RNF144B: variants seen among roughly 807,000 people sequenced by gnomAD.
RNF144B encodes the protein E3 ubiquitin-protein ligase RNF144B.
A neutral mutation model predicts 40.2 loss-of-function variants in RNF144B; 25 were observed. The ratio of observed to expected loss-of-function variants is 0.62; its 90% CI spans 0.45 to 0.87. The LOEUF (loss-of-function observed/expected upper bound fraction) is 0.87. RNF144B is among the 40% of genes least tolerant of loss of function. RNF144B has a pLI of 0.00. For synonymous variants in RNF144B, 145 were observed against 136.3 expected (o/e 1.06, Z -0.44); for missense variants, 365 against 373.7 (o/e 0.98, Z 0.19).
In RNF144B at chr6:18,447,863, A is replaced by G. The variant is rs961999700; in HGVS notation, c.331+8119A>G. On this transcript the variant is annotated intron_variant, in intron 4 of 7. Transcript: ENST00000259939. This position sits in a 1 kb window ranked among gnomAD's most constrained non-coding sequence, Gnocchi z 5.6. The stretch of plus-strand genomic sequence containing the variant: ...AGCCCTGGGACACTATAGGTTTTAG[A>G]AGAGGTGGATCTGGCAAAGGAGATT... Among the ~76,000 whole-genome samples, 15 of 152,180 alleles carry G rather than the reference A, an allele frequency of 9.9e-5. No individual in the cohort carries two copies. Among genetic ancestry groups the G allele is most frequent in the African/African-American group, 3.6e-4 (15 of 41,446 alleles).
At chr6:18,424,526 A>T in intron 2 of RNF144B, among the ~76,000 whole-genome samples, 1 of 152,178 alleles carries the variant, frequency 6.6e-6, no homozygotes, top group East Asian at 1.9e-4. Context: ...ATCGTGGGTC[A>T]TATAATATTG....
chr6:18,397,575 G>C (rs868848498), intron 1 of RNF144B, among the ~76,000 whole-genome samples: 4 of 152,260 alleles, frequency 2.6e-5, no homozygotes, highest in African/African-American at 9.6e-5. Flanking sequence ...CAATCTAGTA[G>C]AAGAACTTTG....
chr6:18,438,138 G>A (rs769847408), intron 3 of RNF144B, among the ~76,000 whole-genome samples: 2 of 152,164 alleles, frequency 1.3e-5, no homozygotes, highest in Non-Finnish European at 1.5e-5. Context: ...TGATGAATTA[G>A]CGACAAAGTC....
rs2113534595 is a variant in RNF144B at position 18,457,037 on chromosome 6, GGCGACAGAGTGAGA to G, written c.332-117_332-104del. 1 of 863,086 alleles carries G rather than the reference GGCGACAGAGTGAGA, an allele frequency of 1.2e-6. No individual in the cohort carries two copies. The highest frequency in any genetic ancestry group is 1.5e-5 in the South Asian group (1 of 68,600). 53.5% of individuals were successfully genotyped at this position (863,086 alleles called of 1,614,324 possible). Reference sequence around the variant, plus strand: ...AATCATGCCACTGTACTCCAGCCTGGGCGACAGAGTGAGACTCTGGTTCCAAATAAATTAAATAA... The same window carrying G: ...AATCATGCCACTGTACTCCAGCCTGGCTCTGGTTCCAAATAAATTAAATAA... On this transcript the variant is annotated intron_variant, in intron 4 of 7. Coordinates refer to ENST00000259939, the MANE Select transcript of RNF144B (RefSeq NM_182757.4). The surrounding 1 kb of genome is among the most constrained non-coding windows in gnomAD (Gnocchi z 5.1).
Position 18,444,326 on chromosome 6 carries a change from C to T in RNF144B, c.331+4582C>T, listed in dbSNP as rs1759031687. Reference sequence around the variant, plus strand: ...TTCTGCATCAGCTTTCCAATATTAACAAGGAAAAGGGAATGCTAAGTTTGG... The same window carrying T: ...TTCTGCATCAGCTTTCCAATATTAATAAGGAAAAGGGAATGCTAAGTTTGG... On this transcript the variant is annotated intron_variant, in intron 4 of 7. Coordinates refer to ENST00000259939, the MANE Select transcript of RNF144B (RefSeq NM_182757.4). This position sits in a 1 kb window ranked among gnomAD's most constrained non-coding sequence, Gnocchi z 4.3. Among the ~76,000 whole-genome samples, 1 of 152,152 alleles carries T rather than the reference C, an allele frequency of 6.6e-6. No individual in the cohort carries two copies. Among genetic ancestry groups the T allele is most frequent in the African/African-American group, 2.4e-5 (1 of 41,436 alleles).
At position 18,443,219 on chromosome 6, in the gene RNF144B, G is replaced by A. The variant is rs947829611; in HGVS notation, c.331+3475G>A. Among the ~76,000 whole-genome samples, 9 of 152,036 alleles carry A rather than the reference G, an allele frequency of 5.9e-5. No homozygotes were observed. The highest frequency in any genetic ancestry group is 2.2e-4 in the African/African-American group (9 of 41,386). ...TTAACCTCCTCATTTTATGAAAAAC[G>A]TAACAGGCCCAGAGGCAATTTCCTC... On this transcript the variant is annotated intron_variant, in intron 4 of 7. Transcript: ENST00000259939. The surrounding 1 kb of genome is among the most constrained non-coding windows in gnomAD (Gnocchi z 4.7).
rs543692163 is a variant in RNF144B, at chr6:18,425,921, T to A, written c.166-1660T>A. ...CCTTGGAGAAAAAAACTGTTAACTA[T>A]TTGAAGAGATACAAGTCTGGTTTAA... On this transcript the variant is annotated intron_variant, in intron 2 of 7. Coordinates refer to ENST00000259939, the MANE Select transcript of RNF144B (RefSeq NM_182757.4). The surrounding 1 kb of genome is among the most constrained non-coding windows in gnomAD (Gnocchi z 4.2). 1.3e-5 allele frequency among the ~76,000 whole-genome samples: 2 copies of A among 152,318 alleles called. No individual in the cohort carries two copies. Among genetic ancestry groups the A allele is most frequent in the South Asian group, 4.1e-4 (2 of 4,824 alleles).
Position 18,387,365 on chromosome 6 carries a change from C to T in RNF144B, c.-302C>T. The T allele has an allele frequency of 2.6e-6, 3 of 1,151,392 alleles. No homozygotes were observed. Among genetic ancestry groups the T allele is most frequent in the Non-Finnish European group, 3.3e-6 (3 of 920,550 alleles). 71.3% of individuals were successfully genotyped at this position (1,151,392 alleles called of 1,614,324 possible). On this transcript the variant is annotated 5_prime_UTR_variant, in exon 1 of 8. Transcript: ENST00000259939. ...CGCTGCTGGCGAGCTGTGCCCCACGCTCCCGCTGCAACAGTCCCGGGCATC... is the reference window on the plus strand; with the variant it reads ...CGCTGCTGGCGAGCTGTGCCCCACGTTCCCGCTGCAACAGTCCCGGGCATC...
chr6:18,443,705 A>G lies in RNF144B; in HGVS notation c.331+3961A>G, dbSNP rs550652595. On this transcript the variant is annotated intron_variant, in intron 4 of 7. Transcript: ENST00000259939. This position sits in a 1 kb window ranked among gnomAD's most constrained non-coding sequence, Gnocchi z 4.7. ...ATAATGGAATTTACATGATTGGGAT[A>G]CACTTTATCTAATTCTGTCTAAACT... Among the ~76,000 whole-genome samples the G allele has an allele frequency of 3.8e-4, 58 of 152,354 alleles. No individual in the cohort carries two copies. Among genetic ancestry groups the G allele is most frequent in the African/African-American group, 1.3e-3 (53 of 41,588 alleles).
chr6:18,401,283 A>C (rs1432125412), intron 2 of RNF144B, among the ~76,000 whole-genome samples: 1 of 152,190 alleles, frequency 6.6e-6, no homozygotes, highest in Non-Finnish European at 1.5e-5. Context: ...AGTAGATTTT[A>C]GTTCCTGATT....
Position 18,416,090 on chromosome 6 carries a change from G to A in RNF144B, c.166-11491G>A, listed in dbSNP as rs1475354244. On this transcript the variant is annotated intron_variant, in intron 2 of 7. Transcript: ENST00000259939. This position sits in a 1 kb window ranked among gnomAD's most constrained non-coding sequence, Gnocchi z 5.5. ...TAATGTTTCTTTGGAGAAAGTAGAA[G>A]GATGTAAACTTGGCAAGCCTTCTTG... Among the ~76,000 whole-genome samples the A allele has an allele frequency of 6.6e-6, 1 of 152,128 alleles. No individual in the cohort carries two copies. The highest frequency in any genetic ancestry group is 2.4e-5 in the African/African-American group (1 of 41,432).
rs1259511876 is a variant in RNF144B, at chr6:18,405,962, C to T, written c.165+6263C>T. ...AGTGACCTTAGATCTTCTAGTTCCC[C>T]CACCCTCCTAATGAAAGAAGTCATT... On this transcript the variant is annotated intron_variant, in intron 2 of 7. Coordinates refer to ENST00000259939, the MANE Select transcript of RNF144B (RefSeq NM_182757.4). This position sits in a 1 kb window ranked among gnomAD's most constrained non-coding sequence, Gnocchi z 4.5. 9 of 495,864 alleles carry T rather than the reference C, an allele frequency of 1.8e-5. No homozygotes were observed. Among genetic ancestry groups the T allele is most frequent in the Non-Finnish European group, 3.6e-5 (9 of 247,980 alleles). 30.7% of individuals were successfully genotyped at this position (495,864 alleles called of 1,614,324 possible).
At chr6:18,431,670 G>T (rs932914075) in intron 3 of RNF144B, among the ~76,000 whole-genome samples, 1 of 152,128 alleles carries the variant, frequency 6.6e-6, no homozygotes, top group South Asian at 2.1e-4. Context: ...ATTAAGCCTG[G>T]TTCTCTTTGT....
chr6:18,421,865 A>G (rs1408877979), intron 2 of RNF144B, among the ~76,000 whole-genome samples: 4 of 152,006 alleles, frequency 2.6e-5, no homozygotes, highest in Non-Finnish European at 5.9e-5. Flanking sequence ...GGGATGAGGG[A>G]CGAGAACTGT....
chr6:18,427,240 G>A (rs1320440824), intron 2 of RNF144B, among the ~76,000 whole-genome samples: 1 of 147,018 alleles, frequency 6.8e-6, no homozygotes, highest in Non-Finnish European at 1.5e-5. Context: ...AGGTAAAAAT[G>A]GAATTAGGAA....
chr6:18,440,811 A>C (rs7770457), intron 4 of RNF144B, among the ~76,000 whole-genome samples: 1 of 140,244 alleles, frequency 7.1e-6, no homozygotes, highest in Non-Finnish European at 1.6e-5. Flanking sequence ...TTTTTTTTTA[A>C]AAATCCAGCA....
In RNF144B at chr6:18,399,716, G is replaced by T. The variant is rs376907960; in HGVS notation, c.165+17G>T. ...TGCACAGCTGTGAGTTTTCCTTGATGCTTTCACTATGAGAAAATACAAAGG... is the reference window on the plus strand; with the variant it reads ...TGCACAGCTGTGAGTTTTCCTTGATTCTTTCACTATGAGAAAATACAAAGG... On this transcript the variant is annotated intron_variant, in intron 2 of 7. Coordinates refer to ENST00000259939, the MANE Select transcript of RNF144B (RefSeq NM_182757.4). The T allele has an allele frequency of 3.1e-6, 5 of 1,589,314 alleles. No individual in the cohort carries two copies. Among genetic ancestry groups the T allele is most frequent in the South Asian group, 1.1e-5 (1 of 90,148 alleles).
At chr6:18,454,156 C>T (rs1759277807) in intron 4 of RNF144B, among the ~76,000 whole-genome samples, 1 of 152,092 alleles carries the variant, frequency 6.6e-6, no homozygotes, top group Admixed American at 6.6e-5. Context: ...GGTTCAAAGG[C>T]AGAAAAACAG....
chr6:18,421,295 C>T (rs1758416718), intron 2 of RNF144B, among the ~76,000 whole-genome samples: 1 of 145,502 alleles, frequency 6.9e-6, no homozygotes, highest in Non-Finnish European at 1.5e-5. Flanking sequence ...CACACACACA[C>T]ACACACACAC....
Sources: allele counts gnomAD v4.1 joint callset (sites outside exome capture counted in the v4.1 genomes callset), GRCh38; gene constraint gnomAD v4.1.1; non-coding constraint Gnocchi (gnomAD v3.1); transcripts MANE v1.5; gene names NCBI Gene and HGNC (gene_info 2026-07-23, HGNC 2026-07-21).